ZNF331: variants seen among roughly 807,000 people sequenced by gnomAD.
ZNF331 encodes the protein zinc finger protein 331, also known as C2H2-like zinc finger protein rearranged in thyroid adenomas.
ZNF331 carries 2 observed loss-of-function variants against 7.0 expected under a neutral mutation model. The ratio of observed to expected loss-of-function variants is 0.29; its 90% CI spans 0.12 to 0.90. The LOEUF (loss-of-function observed/expected upper bound fraction) is 0.90, where lower values mean the gene tolerates loss of function less well. Ranked by LOEUF, ZNF331 falls within the 40% of genes least tolerant of loss-of-function variation. The pLI is 0.58. For synonymous variants in ZNF331, 196 were observed against 205.4 expected (o/e 0.95, Z 0.39); for missense variants, 432 against 587.7 (o/e 0.74, Z 2.74).
rs115947750 is a variant in ZNF331 at position 53,545,311 on chromosome 19, C to T, written c.-138+6029C>T. ...GTTAAGGGCCCGCACTATGCCACAC[C>T]CTGTGACGTTAGTACTTGGAATGAG... is the stretch of plus-strand genomic sequence containing the variant. On this transcript the variant is annotated intron_variant, in intron 2 of 5. Transcript: ENST00000449416. Among the ~76,000 whole-genome samples the T allele has an allele frequency of 4.5e-3, 684 of 152,290 alleles. 4 individuals carry two copies. The highest frequency in any genetic ancestry group is 0.015 in the African/African-American group (639 of 41,550).
chr19:53,519,661 A>G (rs937827931), upstream of ZNF331, among the ~76,000 whole-genome samples: 8 of 152,236 alleles, frequency 5.3e-5, no homozygotes, highest in Admixed American at 1.3e-4. Context: ...TAACACTCAC[A>G]GAGACATCTG....
In ZNF331 at chr19:53,579,833, G is replaced by A. The variant is rs2090860485; in HGVS notation, c.*1881G>A. On this transcript the variant is annotated 3_prime_UTR_variant, in exon 6 of 6. Coordinates refer to ENST00000449416, the MANE Select transcript of ZNF331 (RefSeq NM_001079906.2). The stretch of plus-strand genomic sequence containing the variant: ...GAAAAGACAAGAAACAGGACTGGAA[G>A]AAGATGTTTGCTCTAAGGTACACCT... 1 of 199,872 alleles carries A rather than the reference G, an allele frequency of 5.0e-6. No homozygotes were observed. Among genetic ancestry groups the A allele is most frequent in the Non-Finnish European group, 1.0e-5 (1 of 97,164 alleles). The allele number at this position is 199,872 out of a possible 1,614,324, so 12.4% of individuals were successfully genotyped here. A position where few individuals can be genotyped will look rare whatever the true frequency, so the allele number is the denominator to read the frequency against.
chr19:53,504,604 CG>C, the ZNF331 span, among the ~76,000 whole-genome samples: 1 of 151,720 alleles, frequency 6.6e-6, no homozygotes, highest in South Asian at 2.1e-4. Flanking sequence ...TCGGAGTAGA[CG>C]GGGGGAATGT....
rs995901628 is a variant in ZNF331, at chr19:53,573,621, C to G, written c.136+1891C>G. 3.9e-5 allele frequency among the ~76,000 whole-genome samples: 6 copies of G among 151,974 alleles called. No homozygotes were observed. The highest frequency in any genetic ancestry group is 7.4e-5 in the Non-Finnish European group (5 of 68,012). ...TAGCAGGGACCACAGGTGCACACCACGACACCCGGCTAATTGTTGTGTTTT... is the reference window on the plus strand; with the variant it reads ...TAGCAGGGACCACAGGTGCACACCAGGACACCCGGCTAATTGTTGTGTTTT... On this transcript the variant is annotated intron_variant, in intron 5 of 5. Transcript: ENST00000449416. This position sits in a 1 kb window ranked among gnomAD's most constrained non-coding sequence, Gnocchi z 4.2.
intron 5 of ZNF331, among the ~76,000 whole-genome samples, chr19:53,575,530 G>T: frequency 5.2e-5 from 6 of 115,962 alleles, no homozygotes; most frequent in Non-Finnish European, 1.0e-4. Context: ...TTGAGACGGA[G>T]TCTTATTCAG....
In ZNF331 at chr19:53,560,315, TAC is replaced by T. The variant is rs746229956; in HGVS notation, c.-74+4415_-74+4416del. ...CATATATATATACACCCACACCATA[TAC>T]ACACACATACACATATATAAACACC... On this transcript the variant is annotated intron_variant, in intron 3 of 5. Coordinates refer to ENST00000449416, the MANE Select transcript of ZNF331 (RefSeq NM_001079906.2). This position sits in a 1 kb window ranked among gnomAD's most constrained non-coding sequence, Gnocchi z 4.3. Among the ~76,000 whole-genome samples, 1 of 151,736 alleles carries T rather than the reference TAC, an allele frequency of 6.6e-6. No individual in the cohort carries two copies. Among genetic ancestry groups the T allele is most frequent in the Non-Finnish European group, 1.5e-5 (1 of 67,950 alleles).
At chr19:53,518,097 G>A (rs12984309), upstream of ZNF331, among the ~76,000 whole-genome samples, 51,403 of 152,084 alleles carry the variant, frequency 0.34, 8,894 homozygotes, top group Middle Eastern at 0.42. Flanking sequence ...CACCCTCGAT[G>A]TAGGTGGACA....
At chr19:53,552,387 T>C (rs1220185366) in intron 2 of ZNF331, among the ~76,000 whole-genome samples, 2 of 152,136 alleles carry the variant, frequency 1.3e-5, no homozygotes, top group South Asian at 2.1e-4. Context: ...ATTTGCTATA[T>C]TGACAGCTGG....
chr19:53,575,934 G>A (rs1279747645), intron 5 of ZNF331, among the ~76,000 whole-genome samples: 1 of 151,802 alleles, frequency 6.6e-6, no homozygotes, highest in Non-Finnish European at 1.5e-5. Context: ...TGCCCACCTC[G>A]GCCTCCCAAA....
rs576888665 is a variant in ZNF331, at chr19:53,560,948, T to C, written c.-74+5040T>C. 3.9e-5 allele frequency among the ~76,000 whole-genome samples: 6 copies of C among 152,254 alleles called. No individual in the cohort carries two copies. Among genetic ancestry groups the C allele is most frequent in the Non-Finnish European group, 5.9e-5 (4 of 68,018 alleles). ...ATATTTGAAAGTACTGGAATTACCATAGAGACACATTTGAGAGGTGGGCAA... is the reference window on the plus strand; with the variant it reads ...ATATTTGAAAGTACTGGAATTACCACAGAGACACATTTGAGAGGTGGGCAA... On this transcript the variant is annotated intron_variant, in intron 3 of 5. Transcript: ENST00000449416. This position sits in a 1 kb window ranked among gnomAD's most constrained non-coding sequence, Gnocchi z 4.3.
intron 2 of ZNF331, among the ~76,000 whole-genome samples, chr19:53,531,967 A>G (rs1010768155): frequency 2.0e-5 from 3 of 152,096 alleles, no homozygotes; most frequent in African/African-American, 7.2e-5. Flanking sequence ...TATTAAAATG[A>G]CATCCTTTAT....
Position 53,578,113 on chromosome 19 carries a change from C to A in ZNF331, c.*161C>A. ...GCCCTTCTGAGTAGCGTGATGAAAT[C>A]TCTCGCTGTCCGGCTCCAGCCGGCC... is the stretch of plus-strand genomic sequence containing the variant. On this transcript the variant is annotated 3_prime_UTR_variant, in exon 6 of 6. Transcript: ENST00000449416. 1.0e-6 allele frequency: 1 copy of A among 983,972 alleles called. No homozygotes were observed. The allele number at this position is 983,972 out of a possible 1,614,324, so 61.0% of individuals were successfully genotyped here.
intron 3 of ZNF331, among the ~76,000 whole-genome samples, chr19:53,564,890 C>G (rs2090081506): frequency 6.6e-6 from 1 of 152,180 alleles, no homozygotes; most frequent in African/African-American, 2.4e-5. Flanking sequence ...TTTCTTATAA[C>G]TACATGTGTA....
At chr19:53,547,225 C>T (rs555718939) in intron 2 of ZNF331, among the ~76,000 whole-genome samples, 87 of 152,318 alleles carry the variant, frequency 5.7e-4, no homozygotes, top group African/African-American at 2.0e-3. Context: ...CAGGCCCTGA[C>T]GACCACCTCT....
chr19:53,514,899 T>C (rs555405567), upstream of ZNF331, among the ~76,000 whole-genome samples: 2 of 152,178 alleles, frequency 1.3e-5, no homozygotes, highest in South Asian at 2.1e-4. Context: ...ATTCACCCGC[T>C]TCGGCCTCCC....
At position 53,573,941 on chromosome 19, in the gene ZNF331, C is replaced by A. The variant is rs149122926; in HGVS notation, c.136+2211C>A. On this transcript the variant is annotated intron_variant, in intron 5 of 5. Coordinates refer to ENST00000449416, the MANE Select transcript of ZNF331 (RefSeq NM_001079906.2). This position sits in a 1 kb window ranked among gnomAD's most constrained non-coding sequence, Gnocchi z 4.2. ...CAGCCTGGCCAACATGGTGAAAACC[C>A]GTCTCTACTAAAAACACAAAAATTA... Among the ~76,000 whole-genome samples the A allele has an allele frequency of 3.3e-5, 5 of 152,160 alleles. No individual in the cohort carries two copies. Among genetic ancestry groups the A allele is most frequent in the Admixed American group, 1.3e-4 (2 of 15,266 alleles).
chr19:53,548,169 C>T (rs1600319156), intron 2 of ZNF331, among the ~76,000 whole-genome samples: 2 of 151,824 alleles, frequency 1.3e-5, no homozygotes, highest in East Asian at 1.9e-4. Flanking sequence ...AGTGCAGTGG[C>T]GTGATCTCGG....
upstream of ZNF331, among the ~76,000 whole-genome samples, chr19:53,535,107 T>G (rs2087695732): frequency 6.6e-6 from 1 of 152,072 alleles, no homozygotes; most frequent in African/African-American, 2.4e-5. Flanking sequence ...TATCTATTTA[T>G]TTATTAAGAC....
intron 3 of ZNF331, among the ~76,000 whole-genome samples, chr19:53,566,344 G>A (rs1477225525): frequency 6.6e-6 from 1 of 152,144 alleles, no homozygotes; most frequent in African/African-American, 2.4e-5. Context: ...CCAGGCTGGA[G>A]TGAAGTGGCA....
Sources: gnomAD v4.1 joint callset for allele counts (sites outside exome capture counted in the v4.1 genomes callset) on GRCh38, gnomAD v4.1.1 for gene constraint, Gnocchi (gnomAD v3.1) non-coding constraint, MANE v1.5 for transcripts, NCBI Gene and HGNC (gene_info 2026-07-23, HGNC 2026-07-21) for gene names.